The following RHPN2 variants were observed in gnomAD, a reference collection of about 807,000 sequenced individuals.
RHPN2 encodes rhophilin Rho GTPase binding protein 2, also known as rhophilin-2.
A neutral mutation model predicts 79.0 loss-of-function variants in RHPN2; 40 were observed. The observed-to-expected ratio is 0.51, with a 90% CI of 0.39 to 0.66. The LOEUF (loss-of-function observed/expected upper bound fraction) is 0.66. Among genes scored for constraint, RHPN2 ranks in the 30% least tolerant of loss-of-function variants. RHPN2 has a pLI of 0.00. For synonymous variants in RHPN2, 285 were observed against 363.5 expected (o/e 0.78, Z 2.46); for missense variants, 686 against 883.5 (o/e 0.78, Z 2.83).
intron 2 of RHPN2, 36 bp from the exon 3 acceptor site, chr19:33,026,668 C>G: frequency 6.3e-7 from 1 of 1,595,458 alleles, no homozygotes; most frequent in Non-Finnish European, 8.5e-7. Flanking sequence ...GTGCCCTCAG[C>G]CAGGTATCCT....
chr19:33,017,699 C>G (rs1482973458), intron 4 of RHPN2, among the ~76,000 whole-genome samples: 1 of 113,886 alleles, frequency 8.8e-6, no homozygotes, highest in Admixed American at 1.1e-4. Flanking sequence ...GAGACCCCAT[C>G]TCTTAAAAAA....
intron 4 of RHPN2, among the ~76,000 whole-genome samples, chr19:33,018,348 A>G: frequency 6.6e-6 from 1 of 151,550 alleles, no homozygotes; most frequent in Non-Finnish European, 1.5e-5. Context: ...AGAGAGAGAG[A>G]GAGAGAGACA....
chr19:32,994,070 G>C lies in RHPN2; in HGVS notation c.1421-17C>G. 6.5e-7 allele frequency: 1 copy of C among 1,548,952 alleles called. No individual in the cohort carries two copies. Among genetic ancestry groups the C allele is most frequent in the Middle Eastern group, 1.7e-4 (1 of 5,934 alleles). ...CAGTTTTAGCTAGAATAGAGGATTA[G>C]AAATGGGAGGATAAACGTTTCTGTA... On this transcript the variant is annotated splice_polypyrimidine_tract_variant and intron_variant, in intron 11 of 14. Coordinates refer to ENST00000254260, the MANE Select transcript of RHPN2 (RefSeq NM_033103.5).
At chr19:33,043,402 A>C (rs1446421115) in intron 2 of RHPN2, among the ~76,000 whole-genome samples, 1 of 151,770 alleles carries the variant, frequency 6.6e-6, no homozygotes, top group Non-Finnish European at 1.5e-5. Flanking sequence ...AAGACAAAAA[A>C]TTAGCCAAGC....
chr19:33,058,356 A>G (rs1448455152), intron 1 of RHPN2, among the ~76,000 whole-genome samples: 1 of 152,262 alleles, frequency 6.6e-6, no homozygotes, highest in African/African-American at 2.4e-5. Context: ...CTGTCGCTCC[A>G]TAAATCCTTT....
rs2145998113 is a variant in RHPN2, at chr19:32,984,158, AT to A, written c.1801-3903del. Among the ~76,000 whole-genome samples the A allele has an allele frequency of 2.0e-5, 3 of 152,210 alleles. No homozygotes were observed. The South Asian group carries it at 6.2e-4, about 32-fold the overall frequency. ...TTCCAGAGCTTGATTCCAAGCTTAG[AT>A]TTGTTCAACTAGGGATCCCCACTGT... On this transcript the variant is annotated intron_variant, in intron 14 of 14. Transcript: ENST00000254260.
chr19:33,029,297 C>T (rs759319980), intron 2 of RHPN2, among the ~76,000 whole-genome samples: 3 of 151,788 alleles, frequency 2.0e-5, no homozygotes, highest in Non-Finnish European at 2.9e-5. Flanking sequence ...GAGGCCGAGA[C>T]GGACGGATCA....
At chr19:33,028,569 A>T (rs1009161499) in intron 2 of RHPN2, among the ~76,000 whole-genome samples, 2 of 152,228 alleles carry the variant, frequency 1.3e-5, no homozygotes, top group African/African-American at 4.8e-5. Flanking sequence ...GAATCACAAG[A>T]CATGTAAACT....
At chr19:33,001,394 T>C (rs556063563) in intron 9 of RHPN2, among the ~76,000 whole-genome samples, 3 of 152,240 alleles carry the variant, frequency 2.0e-5, no homozygotes, top group African/African-American at 7.2e-5. Flanking sequence ...TTTTTTTTAA[T>C]TAACTGGTGT....
At chr19:33,042,622 G>A (rs1439604499) in intron 2 of RHPN2, among the ~76,000 whole-genome samples, 2 of 152,132 alleles carry the variant, frequency 1.3e-5, no homozygotes, top group Non-Finnish European at 2.9e-5. Flanking sequence ...AAGTCATCAG[G>A]TATTCCGTGA....
chr19:32,986,733 G>A (rs1163406112), intron 14 of RHPN2, among the ~76,000 whole-genome samples: 1 of 150,220 alleles, frequency 6.7e-6, no homozygotes, highest in East Asian at 2.0e-4. Context: ...GGCGGAGGTT[G>A]CAGTGAGCCG....
At position 33,031,543 on chromosome 19, in the gene RHPN2, C is replaced by T. The variant is rs972020441; in HGVS notation, c.186-4911G>A. On this transcript the variant is annotated intron_variant, in intron 2 of 14. Coordinates refer to ENST00000254260, the MANE Select transcript of RHPN2 (RefSeq NM_033103.5). ...TACAGGCGTGAGCCACGACGCCCAG[C>T]CTTATTTTATTTTTTTGTATAGATG... Among the ~76,000 whole-genome samples, 9 of 151,978 alleles carry T rather than the reference C, an allele frequency of 5.9e-5. No individual in the cohort carries two copies. The South Asian group carries it at 1.9e-3, about 32-fold the overall frequency.
At chr19:32,987,505 C>G (rs1319013465) in intron 14 of RHPN2, among the ~76,000 whole-genome samples, 3 of 152,228 alleles carry the variant, frequency 2.0e-5, no homozygotes, top group African/African-American at 7.2e-5. Flanking sequence ...CACCACTCAA[C>G]TGCATTCAAT....
At chr19:33,009,613 G>A (rs570015428) in intron 6 of RHPN2, among the ~76,000 whole-genome samples, 18 of 151,676 alleles carry the variant, frequency 1.2e-4, no homozygotes, top group Non-Finnish European at 2.5e-4. Flanking sequence ...ACCCATGACC[G>A]GCAAATTTTC....
chr19:32,983,367 C>T (rs963546345), intron 14 of RHPN2, among the ~76,000 whole-genome samples: 1 of 151,886 alleles, frequency 6.6e-6, no homozygotes, highest in Non-Finnish European at 1.5e-5. Flanking sequence ...AAAAAATTAG[C>T]CGGGCGTGGT....
chr19:33,024,685 A>G (rs1267867288), intron 3 of RHPN2, among the ~76,000 whole-genome samples: 2 of 152,170 alleles, frequency 1.3e-5, no homozygotes, highest in Admixed American at 1.3e-4. Context: ...CTTTTTGAGA[A>G]GTCTCATGCC....
At chr19:33,029,783 C>A (rs573535238) in intron 2 of RHPN2, among the ~76,000 whole-genome samples, 4 of 152,114 alleles carry the variant, frequency 2.6e-5, no homozygotes, top group Non-Finnish European at 5.9e-5. Flanking sequence ...AGACACAAAG[C>A]ATAATGAGCA....
chr19:33,040,142 C>G (rs1429737045), intron 2 of RHPN2, among the ~76,000 whole-genome samples: 6 of 152,010 alleles, frequency 3.9e-5, no homozygotes, highest in Non-Finnish European at 8.8e-5. Flanking sequence ...AACAGGGGAA[C>G]CTGAAGCCCA....
intron 1 of RHPN2, among the ~76,000 whole-genome samples, chr19:33,046,456 C>G (rs568463226): frequency 6.6e-6 from 1 of 151,736 alleles, no homozygotes; most frequent in African/African-American, 2.4e-5. Context: ...AGTAGAGAGG[C>G]GGGTTTCATG....
Sources: gnomAD v4.1 joint callset for allele counts (sites outside exome capture counted in the v4.1 genomes callset) on GRCh38, gnomAD v4.1.1 for gene constraint, MANE v1.5 for transcripts, NCBI Gene and HGNC (gene_info 2026-07-23, HGNC 2026-07-21) for gene names.